The following CRYZL1 variants were observed in gnomAD, a reference collection of about 807,000 sequenced individuals.
CRYZL1 encodes the protein ferry endosomal RAB5 effector complex subunit 4.
Under a neutral mutation model 50.6 loss-of-function variants are expected in CRYZL1, and 34 were observed. The observed-to-expected ratio is 0.67, with a 90% CI of 0.51 to 0.89. CRYZL1 has a LOEUF of 0.89. CRYZL1 is among the 40% of genes least tolerant of loss of function. CRYZL1 has a pLI of 0.00. For synonymous variants in CRYZL1, 125 were observed against 134.3 expected, an observed-to-expected ratio of 0.93 and a Z score of 0.48; for missense variants, 354 against 402.3, an observed-to-expected ratio of 0.88 and a Z score of 1.03.
intron 8 of CRYZL1, among the ~76,000 whole-genome samples, chr21:33,601,068 C>G (rs1187172133): frequency 6.6e-6 from 1 of 151,032 alleles, no homozygotes; most frequent in African/African-American, 2.4e-5. Flanking sequence ...TCCTGAGTAG[C>G]TGGGATTACA....
chr21:33,611,201 G>A (rs2086869832), intron 6 of CRYZL1, among the ~76,000 whole-genome samples: 1 of 152,190 alleles, frequency 6.6e-6, no homozygotes, highest in Non-Finnish European at 1.5e-5. Context: ...GCCCGTGGCA[G>A]TCCTCAAATT....
intron 12 of CRYZL1, among the ~76,000 whole-genome samples, chr21:33,590,601 A>G (rs2086634797): frequency 6.7e-6 from 1 of 149,258 alleles, no homozygotes; most frequent in African/African-American, 2.5e-5. Flanking sequence ...TTTTTAGTAG[A>G]GACAGTGTTT....
chr21:33,630,998 A>C (rs952447608), intron 2 of CRYZL1, among the ~76,000 whole-genome samples: 2 of 152,166 alleles, frequency 1.3e-5, no homozygotes, highest in African/African-American at 4.8e-5. Flanking sequence ...GGGGAGATTA[A>C]AGGGGTGGGA....
At chr21:33,602,692 A>T (rs373100798) in intron 7 of CRYZL1, among the ~76,000 whole-genome samples, 3 of 152,154 alleles carry the variant, frequency 2.0e-5, no homozygotes, top group East Asian at 3.8e-4. Flanking sequence ...ATTATATACT[A>T]TATATGGGAG....
At chr21:33,598,809 T>G (rs2086721487) in intron 9 of CRYZL1, among the ~76,000 whole-genome samples, 1 of 151,052 alleles carries the variant, frequency 6.6e-6, no homozygotes, top group South Asian at 2.1e-4. Context: ...TTTTTGAGTT[T>G]TTTTTTTTTT....
At position 33,602,224 on chromosome 21, in the gene CRYZL1, T is replaced by C; in HGVS notation, c.577+10A>G. Reference sequence around the variant, plus strand: ...CCTGTTTTAAAGTCTGTGCTCATAATATTACCCACCTATGGGAGGTCTGAA... The same window carrying C: ...CCTGTTTTAAAGTCTGTGCTCATAACATTACCCACCTATGGGAGGTCTGAA... On this transcript the variant is annotated intron_variant, in intron 8 of 12. Coordinates refer to ENST00000381554, the MANE Select transcript of CRYZL1 (RefSeq NM_145858.3). The C allele has an allele frequency of 7.1e-7, 1 of 1,402,708 alleles. No individual in the cohort carries two copies. Among genetic ancestry groups the C allele is most frequent in the Non-Finnish European group, 1.0e-6 (1 of 989,142 alleles). The allele number at this position is 1,402,708 out of a possible 1,614,324, so 86.9% of individuals were successfully genotyped here. A position where few individuals can be genotyped will look rare whatever the true frequency, so the allele number is the denominator to read the frequency against.
At position 33,595,755 on chromosome 21, in the gene CRYZL1, T is replaced by C. The variant is rs2086687488; in HGVS notation, c.880A>G (p.Asn294Asp). 1 of 1,614,088 alleles carries C rather than the reference T, an allele frequency of 6.2e-7. No homozygotes were observed. The highest frequency in any genetic ancestry group is 1.1e-5 in the South Asian group (1 of 91,082). ...FLNDEVWNLS[N>D]VQQGKYLCIL... ...TAAAGATATTTTCCCTGTTGTACAT[T>C]TGACAAATTCCAAACTTCATCATTC... Residue 294 changes from asparagine to aspartate, a missense_variant, in exon 11 of 13, where the codon AAT becomes GAT. Coordinates refer to ENST00000381554, the MANE Select transcript of CRYZL1 (RefSeq NM_145858.3).
intron 1 of CRYZL1, chr21:33,641,157 C>G (rs951209689): frequency 1.9e-6 from 3 of 1,549,988 alleles, no homozygotes; most frequent in East Asian, 2.4e-5. Flanking sequence ...CCGACCCAGA[C>G]CTATCCCAAG....
Position 33,612,440 on chromosome 21 carries a change from A to G in CRYZL1, c.331+1098T>C, listed in dbSNP as rs545991608. On this transcript the variant is annotated intron_variant, in intron 6 of 12. Transcript: ENST00000381554. Reference sequence around the variant, plus strand: ...TAGCTGGGATTACAGGCGTGCGCCAACAGCCCAGCTAAGATTTTTTGTATT... The same window carrying G: ...TAGCTGGGATTACAGGCGTGCGCCAGCAGCCCAGCTAAGATTTTTTGTATT... Among the ~76,000 whole-genome samples, 23 of 152,086 alleles carry G rather than the reference A, an allele frequency of 1.5e-4. No homozygotes were observed. In the East Asian group the frequency reaches 4.5e-3, roughly 29 times the overall value.
intron 11 of CRYZL1, chr21:33,595,119 T>C (rs574685534): frequency 8.4e-5 from 86 of 1,017,838 alleles, no homozygotes; most frequent in Non-Finnish European, 9.8e-5. Context: ...CCTTTCTTTT[T>C]GAAATTGTTT....
intron 6 of CRYZL1, among the ~76,000 whole-genome samples, chr21:33,606,086 T>C (rs984315438): frequency 1.3e-5 from 2 of 152,202 alleles, no homozygotes; most frequent in Non-Finnish European, 2.9e-5. Context: ...CAGTACTTTA[T>C]TCCTTAGGTA....
At chr21:33,593,799 A>G (rs773176872) in intron 11 of CRYZL1, among the ~76,000 whole-genome samples, 20 of 152,042 alleles carry the variant, frequency 1.3e-4, no homozygotes, top group South Asian at 1.0e-3. Flanking sequence ...CTTGACCAAC[A>G]TGGTGAAACT....
chr21:33,605,049 T>C (rs920645117), intron 6 of CRYZL1, among the ~76,000 whole-genome samples: 6 of 152,232 alleles, frequency 3.9e-5, no homozygotes, highest in African/African-American at 1.4e-4. Flanking sequence ...CTTACTATGA[T>C]TTTAATTTGC....
intron 5 of CRYZL1, among the ~76,000 whole-genome samples, chr21:33,615,129 T>C (rs1457835851): frequency 6.7e-6 from 1 of 149,942 alleles, no homozygotes; most frequent in African/African-American, 2.4e-5. Flanking sequence ...TAAGGCTAAA[T>C]ATTTTTTCTT....
chr21:33,616,396 A>C (rs2086932563), intron 5 of CRYZL1: 1 of 231,552 alleles, frequency 4.3e-6, no homozygotes, highest in South Asian at 5.8e-5. Flanking sequence ...GGGTTTAAGC[A>C]ATTTTCCTGC....
chr21:33,616,671 G>T, intron 5 of CRYZL1, 35 bp downstream of exon 5: 1 of 1,607,002 alleles, frequency 6.2e-7, no homozygotes. Flanking sequence ...CGGTAAAATA[G>T]ATGACTTGAA....
At chr21:33,593,858 G>A (rs1443511764) in intron 11 of CRYZL1, among the ~76,000 whole-genome samples, 1 of 151,706 alleles carries the variant, frequency 6.6e-6, no homozygotes, top group Non-Finnish European at 1.5e-5. Flanking sequence ...GGTGGCGCAT[G>A]TCTGTAATCC....
chr21:33,609,803 C>T (rs375896350), intron 6 of CRYZL1, among the ~76,000 whole-genome samples: 2 of 151,032 alleles, frequency 1.3e-5, no homozygotes, highest in South Asian at 2.1e-4. Flanking sequence ...CCCAGGTTCA[C>T]GCCATTCTCC....
intron 6 of CRYZL1, among the ~76,000 whole-genome samples, chr21:33,607,805 A>G (rs562090578): frequency 6.6e-6 from 1 of 152,338 alleles, no homozygotes; most frequent in South Asian, 2.1e-4. Context: ...CTTTTACAAA[A>G]GGTTGGAGCT....
Sources: allele counts gnomAD v4.1 joint callset (sites outside exome capture counted in the v4.1 genomes callset), GRCh38; gene constraint gnomAD v4.1.1; transcripts MANE v1.5; gene names NCBI Gene and HGNC (gene_info 2026-07-23, HGNC 2026-07-21).